RNF6: variants seen among roughly 807,000 people sequenced by gnomAD.
RNF6 encodes ring finger protein 6, also known as E3 ubiquitin-protein ligase RNF6.
Under a neutral mutation model 50.1 loss-of-function variants are expected in RNF6, and 21 were observed. That is an observed-to-expected ratio of 0.42 (90% CI 0.30 to 0.60). The LOEUF (loss-of-function observed/expected upper bound fraction) is 0.60, where lower values mean the gene tolerates loss of function less well. RNF6 is among the 20% of genes least tolerant of loss of function. RNF6 has a pLI of 0.20. For synonymous variants in RNF6, 255 were observed against 291.8 expected (o/e 0.87, Z 1.29); for missense variants, 698 against 838.2 (o/e 0.83, Z 2.07).
rs1869446870 is a variant in RNF6, at chr13:26,213,262, G to A, written c.*562C>T. ...AAAAGCTTAAATAAGAACCAAACTT[G>A]TAGACTGAATATTTTAACCTTAAAA... is the stretch of plus-strand genomic sequence containing the variant. On this transcript the variant is annotated 3_prime_UTR_variant, in exon 5 of 5. Transcript: ENST00000381588. 1 of 152,512 alleles carries A rather than the reference G, an allele frequency of 6.6e-6. No homozygotes were observed. Among genetic ancestry groups the A allele is most frequent in the Non-Finnish European group, 1.5e-5 (1 of 68,012 alleles). 9.4% of individuals were successfully genotyped at this position (152,512 alleles called of 1,614,324 possible). A position where few individuals can be genotyped will look rare whatever the true frequency, so the allele number is the denominator to read the frequency against.
intron 5 of RNF6, among the ~76,000 whole-genome samples, chr13:26,203,908 G>A (rs926556761): frequency 8.5e-5 from 13 of 152,144 alleles, no homozygotes; most frequent in Admixed American, 3.9e-4. Flanking sequence ...AGCCCAGATC[G>A]CGCCACTGCA....
chr13:26,166,894 T>G (rs901333744), intron 5 of RNF6, among the ~76,000 whole-genome samples: 2 of 152,314 alleles, frequency 1.3e-5, no homozygotes, highest in African/African-American at 4.8e-5. Context: ...CACTCCAGCC[T>G]GGGCGACAGA....
At chr13:26,185,142 G>A (rs1566425461) in intron 5 of RNF6, among the ~76,000 whole-genome samples, 1 of 151,850 alleles carries the variant, frequency 6.6e-6, no homozygotes, top group African/African-American at 2.4e-5. Flanking sequence ...GACAACAGGC[G>A]CACACCACCA....
intron 4 of RNF6, among the ~76,000 whole-genome samples, chr13:26,217,452 C>T (rs1870004748): frequency 6.6e-6 from 1 of 152,170 alleles, no homozygotes; most frequent in South Asian, 2.1e-4. Flanking sequence ...GACAGCCTGG[C>T]AGTTAGGTGT....
intron 5 of RNF6, among the ~76,000 whole-genome samples, chr13:26,195,590 T>G (rs900173798): frequency 3.3e-5 from 5 of 152,180 alleles, no homozygotes; most frequent in African/African-American, 9.7e-5. Context: ...AAATTACACC[T>G]GGGCATATCA....
rs9581550 is a variant in RNF6, at chr13:26,139,050, G to A, written n.769-6599C>T. 1.0e-2 allele frequency among the ~76,000 whole-genome samples: 1,512 copies of A among 151,918 alleles called. 31 individuals carry two copies. Among genetic ancestry groups the A allele is most frequent in the African/African-American group, 0.035 (1,441 of 41,432 alleles). The stretch of plus-strand genomic sequence containing the variant: ...TAACTTTCTGTATCTTATATGTTTC[G>A]ACATCTTAAAATTCTTTGCTGTCCA... On this transcript the variant is annotated intron_variant and non_coding_transcript_variant, in intron 5 of 5. Coordinates refer to the RNF6 transcript ENST00000468480.
intron 5 of RNF6, among the ~76,000 whole-genome samples, chr13:26,184,522 A>G (rs1479484841): frequency 6.6e-6 from 1 of 152,246 alleles, no homozygotes; most frequent in Non-Finnish European, 1.5e-5. Context: ...AAACTACAAC[A>G]GTATAATTTA....
At chr13:26,220,845 A>T (rs1401460980) in intron 2 of RNF6, among the ~76,000 whole-genome samples, 2 of 152,274 alleles carry the variant, frequency 1.3e-5, no homozygotes, top group African/African-American at 2.4e-5. Flanking sequence ...GTATTTAATA[A>T]GCAAGCTGCT....
intron 5 of RNF6, among the ~76,000 whole-genome samples, chr13:26,145,880 A>C (rs1194831593): frequency 6.6e-6 from 1 of 152,164 alleles, no homozygotes; most frequent in Admixed American, 6.5e-5. Flanking sequence ...AGGTCAGGGA[A>C]CCAATGTGAG....
chr13:26,167,721 T>C (rs189234647), intron 5 of RNF6, among the ~76,000 whole-genome samples: 1 of 152,324 alleles, frequency 6.6e-6, no homozygotes, highest in Non-Finnish European at 1.5e-5. Context: ...GGAATATAAA[T>C]TGTTCTACCA....
intron 5 of RNF6, among the ~76,000 whole-genome samples, chr13:26,173,434 A>G (rs1872796894): frequency 6.6e-6 from 1 of 152,214 alleles, no homozygotes; most frequent in Admixed American, 6.5e-5. Flanking sequence ...AATAGATCTC[A>G]AAAACCTAAG....
At chr13:26,219,205 T>G (rs1566444652) in intron 3 of RNF6, 2 of 335,322 alleles carry the variant, frequency 6.0e-6, no homozygotes, top group Non-Finnish European at 1.1e-5. Context: ...CTTAACACCA[T>G]TATGTACATT....
At chr13:26,184,018 A>ATTTTTT (rs1169961717) in intron 5 of RNF6, among the ~76,000 whole-genome samples, 9 of 33,942 alleles carry the variant, frequency 2.7e-4, no homozygotes, top group African/African-American at 8.4e-4. Flanking sequence ...ATATATATAT[A>ATTTTTT]TTTTTTTTTT....
At chr13:26,135,183 T>C (rs1329593353) in intron 5 of RNF6, among the ~76,000 whole-genome samples, 1 of 152,214 alleles carries the variant, frequency 6.6e-6, no homozygotes, top group Non-Finnish European at 1.5e-5. Flanking sequence ...TAAGATCTCT[T>C]ACAGTTCATT....
intron 5 of RNF6, among the ~76,000 whole-genome samples, chr13:26,194,242 A>G (rs554225276): frequency 6.6e-6 from 1 of 152,326 alleles, no homozygotes; most frequent in South Asian, 2.1e-4. Flanking sequence ...GGTTTAGCCA[A>G]GTGAGTACAA....
At chr13:26,170,663 G>A (rs552940964) in intron 5 of RNF6, among the ~76,000 whole-genome samples, 1 of 152,230 alleles carries the variant, frequency 6.6e-6, no homozygotes, top group East Asian at 1.9e-4. Flanking sequence ...CAGTTGAAAG[G>A]TCTAAACCTA....
At chr13:26,167,232 C>T (rs1872495066) in intron 5 of RNF6, among the ~76,000 whole-genome samples, 1 of 152,160 alleles carries the variant, frequency 6.6e-6, no homozygotes, top group African/African-American at 2.4e-5. Context: ...AGAGTTTCTG[C>T]ACAGCAAAGG....
At chr13:26,208,173 T>TG (rs1869184206), downstream of RNF6, among the ~76,000 whole-genome samples, 1 of 152,238 alleles carries the variant, frequency 6.6e-6, no homozygotes, top group Non-Finnish European at 1.5e-5. Flanking sequence ...GGCTCTTAGC[T>TG]GGCAGCCTGG....
chr13:26,174,336 C>A (rs1872847842), intron 5 of RNF6, among the ~76,000 whole-genome samples: 1 of 152,016 alleles, frequency 6.6e-6, no homozygotes, highest in Non-Finnish European at 1.5e-5. Context: ...AGTGGGGCAG[C>A]TGCAATACGT....
Sources: allele counts gnomAD v4.1 joint callset (sites outside exome capture counted in the v4.1 genomes callset), GRCh38; gene constraint gnomAD v4.1.1; transcripts MANE v1.5; gene names NCBI Gene and HGNC (gene_info 2026-07-23, HGNC 2026-07-21).